The following IL1RAPL2 variants were observed in gnomAD, a reference collection of about 807,000 sequenced individuals.
IL1RAPL2 encodes interleukin 1 receptor accessory protein like 2, also known as X-linked interleukin-1 receptor accessory protein-like 2.
IL1RAPL2 carries 3 observed loss-of-function variants against 44.1 expected under a neutral mutation model. The observed-to-expected ratio is 0.07, with a 90% CI of 0.03 to 0.18. The LOEUF is 0.18. Ranked by LOEUF, IL1RAPL2 falls within the 10% of genes least tolerant of loss-of-function variation. IL1RAPL2 has a pLI of 1.00. For missense variants in IL1RAPL2, 391 were observed against 496.4 expected, an observed-to-expected ratio of 0.79 and a Z score of 2.02; for synonymous variants, 181 against 178.8, an observed-to-expected ratio of 1.01 and a Z score of -0.10.
chrX:104,847,073 T>A (rs375022107), intron 2 of IL1RAPL2, among the ~76,000 whole-genome samples: 1 of 112,030 alleles, frequency 8.9e-6, no homozygotes, highest in African/African-American at 3.2e-5. Context: ...GTTTGAGTTC[T>A]TTGTAGATTC....
chrX:105,132,230 G>A (rs757955523), intron 2 of IL1RAPL2, among the ~76,000 whole-genome samples: 1 of 109,251 alleles, frequency 9.2e-6, no homozygotes, highest in East Asian at 2.9e-4. Flanking sequence ...CTTTAACAAT[G>A]CTCAGGTTAC....
At chrX:105,642,401 A>G (rs184513123) in intron 6 of IL1RAPL2, among the ~76,000 whole-genome samples, 10 of 111,835 alleles carry the variant, frequency 8.9e-5, no homozygotes, top group Admixed American at 8.5e-4. Context: ...TTTCTTAAAC[A>G]ACATCATTAA....
rs210731 is a variant in IL1RAPL2 at position 105,599,617 on chromosome X, T to A, written c.772+115230T>A. Among the ~76,000 whole-genome samples the A allele has an allele frequency of 8.4e-3, 926 of 110,357 alleles. 9 individuals are homozygous for A. Among genetic ancestry groups the A allele is most frequent in the South Asian group, 0.067 (174 of 2,604 alleles). ...ATAATATTATATTTCAATCTTTTTT[T>A]AAAAAAAAATCAAATTTAATGCAGA... On this transcript the variant is annotated intron_variant, in intron 6 of 10. Coordinates refer to ENST00000372582, the MANE Select transcript of IL1RAPL2 (RefSeq NM_017416.2).
chrX:104,907,170 G>T (rs1465491435), intron 2 of IL1RAPL2, among the ~76,000 whole-genome samples: 6 of 111,186 alleles, frequency 5.4e-5, no homozygotes, highest in Admixed American at 3.8e-4. Flanking sequence ...ATTTTTTATT[G>T]CATCTATTTG....
chrX:105,012,635 T>A (rs1255001765), intron 2 of IL1RAPL2, among the ~76,000 whole-genome samples: 9 of 73,312 alleles, frequency 1.2e-4, no homozygotes, highest in African/African-American at 6.0e-4. Context: ...TCTCTCTCTC[T>A]CTCTCTCTCT....
intron 5 of IL1RAPL2, among the ~76,000 whole-genome samples, chrX:105,323,796 C>T (rs1427907478): frequency 2.7e-5 from 3 of 109,525 alleles, no homozygotes; most frequent in Non-Finnish European, 5.7e-5. Flanking sequence ...GAATCACTTG[C>T]GCTCAGGAGG....
At chrX:105,182,125 C>T (rs1049900742) in intron 2 of IL1RAPL2, among the ~76,000 whole-genome samples, 1 of 109,469 alleles carries the variant, frequency 9.1e-6, no homozygotes, top group Non-Finnish European at 1.9e-5. Context: ...TAGATAAAGT[C>T]ATCTGTAAAT....
intron 6 of IL1RAPL2, among the ~76,000 whole-genome samples, chrX:105,489,787 T>TCTCTCTCTCTCTCTC (rs2036299898): frequency 1.4e-5 from 1 of 73,373 alleles, no homozygotes; most frequent in African/African-American, 5.4e-5. Flanking sequence ...CTTTCTCTCT[T>TCTCTCTCTCTCTCTC]TCTCTCTCTC....
At chrX:104,686,246 A>G (rs1227898689) in intron 2 of IL1RAPL2, among the ~76,000 whole-genome samples, 3 of 111,740 alleles carry the variant, frequency 2.7e-5, no homozygotes, top group African/African-American at 9.8e-5. Flanking sequence ...ACTAGCAGTC[A>G]TCTGTAGTTT....
chrX:104,634,541 A>G (rs767354184), intron 1 of IL1RAPL2, among the ~76,000 whole-genome samples: 12 of 111,961 alleles, frequency 1.1e-4, no homozygotes, highest in Admixed American at 4.7e-4. Flanking sequence ...TGCTGGGTGC[A>G]TATATATTTA....
intron 5 of IL1RAPL2, among the ~76,000 whole-genome samples, chrX:105,283,874 C>G (rs946314358): frequency 1.8e-5 from 2 of 110,929 alleles, no homozygotes; most frequent in African/African-American, 6.6e-5. Flanking sequence ...AACTGCAGCT[C>G]CTAGGCCCTA....
chrX:105,217,164 G>A (rs1164259842), intron 3 of IL1RAPL2, among the ~76,000 whole-genome samples: 3 of 107,662 alleles, frequency 2.8e-5, no homozygotes, highest in Admixed American at 1.0e-4. Flanking sequence ...GAGTGAACAG[G>A]CAACCTACAG....
intron 2 of IL1RAPL2, among the ~76,000 whole-genome samples, chrX:105,043,669 G>T (rs2031795096): frequency 9.0e-6 from 1 of 111,044 alleles, no homozygotes; most frequent in African/African-American, 3.3e-5. Context: ...TATATCCTGA[G>T]GAGGTAGGTA....
chrX:105,656,427 AT>A (rs1336323302), intron 6 of IL1RAPL2, among the ~76,000 whole-genome samples: 1 of 110,085 alleles, frequency 9.1e-6, no homozygotes, highest in Non-Finnish European at 1.9e-5. Flanking sequence ...CTGTTTGGTT[AT>A]TTTTTTTTAC....
chrX:105,218,845 C>T, intron 3 of IL1RAPL2: 1 of 636,926 alleles, frequency 1.6e-6, no homozygotes, highest in South Asian at 2.7e-5. Flanking sequence ...ACCTCCTTCC[C>T]CCACTCTTCC....
intron 3 of IL1RAPL2, among the ~76,000 whole-genome samples, chrX:105,197,206 T>G (rs1461655604): frequency 2.7e-5 from 3 of 110,654 alleles, no homozygotes; most frequent in Admixed American, 1.9e-4. Context: ...AAGCGGTATT[T>G]TCTCCTACTT....
chrX:105,562,441 T>C (rs2036944996), intron 6 of IL1RAPL2, among the ~76,000 whole-genome samples: 1 of 108,533 alleles, frequency 9.2e-6, no homozygotes, highest in African/African-American at 3.4e-5. Flanking sequence ...ATTTGATCAT[T>C]CCAAAATGTA....
At chrX:105,544,715 G>T (rs2036776203) in intron 6 of IL1RAPL2, among the ~76,000 whole-genome samples, 2 of 111,442 alleles carry the variant, frequency 1.8e-5, no homozygotes, top group South Asian at 7.4e-4. Flanking sequence ...TTTCTGATTT[G>T]GTTGGATTAA....
chrX:105,188,044 A>C (rs1306982297), intron 2 of IL1RAPL2, among the ~76,000 whole-genome samples: 1 of 111,926 alleles, frequency 8.9e-6, no homozygotes, highest in Non-Finnish European at 1.9e-5. Context: ...TAATCCAAGC[A>C]AGACATGAGA....
Sources: allele counts gnomAD v4.1 joint callset (sites outside exome capture counted in the v4.1 genomes callset), GRCh38; gene constraint gnomAD v4.1.1; transcripts MANE v1.5; gene names NCBI Gene and HGNC (gene_info 2026-07-23, HGNC 2026-07-21).